The following FLT3 variants were observed in gnomAD, a reference collection of about 807,000 sequenced individuals.
The protein encoded by FLT3 is fms related receptor tyrosine kinase 3, also known as receptor-type tyrosine-protein kinase FLT3.
A neutral mutation model predicts 126.6 loss-of-function variants in FLT3; 46 were observed. The observed-to-expected ratio is 0.36, with a 90% CI of 0.29 to 0.46. The LOEUF is 0.46. FLT3 is among the 20% of genes least tolerant of loss of function. The pLI is 1.00. For synonymous variants in FLT3, 404 were observed against 434.4 expected, an observed-to-expected ratio of 0.93 and a Z score of 0.87; for missense variants, 1,069 against 1,190.3, an observed-to-expected ratio of 0.90 and a Z score of 1.50.
chr13:28,038,238 C>A (rs1874018225), intron 9 of FLT3, among the ~76,000 whole-genome samples: 1 of 152,154 alleles, frequency 6.6e-6, no homozygotes, highest in African/African-American at 2.4e-5. Flanking sequence ...TGGGGACTGT[C>A]CACCACGCCC....
chr13:28,051,488 C>T (rs1416357989), intron 5 of FLT3, among the ~76,000 whole-genome samples: 2 of 151,126 alleles, frequency 1.3e-5, no homozygotes, highest in African/African-American at 2.4e-5. Context: ...CTGCCTGCCT[C>T]GGCCTCCCAA....
chr13:28,064,375 C>T (rs1351096362), intron 2 of FLT3, among the ~76,000 whole-genome samples: 1 of 152,070 alleles, frequency 6.6e-6, no homozygotes. Flanking sequence ...GAGTTCGAGA[C>T]CAGCCTGGCC....
intron 4 of FLT3, among the ~76,000 whole-genome samples, chr13:28,054,844 A>G (rs1875863248): frequency 6.6e-6 from 1 of 152,188 alleles, no homozygotes; most frequent in Non-Finnish European, 1.5e-5. Flanking sequence ...GCCTAAGTTT[A>G]TCTTTTAACA....
chr13:28,006,274 G>A (rs1224234971), intron 23 of FLT3, among the ~76,000 whole-genome samples: 2 of 151,614 alleles, frequency 1.3e-5, no homozygotes, highest in African/African-American at 2.4e-5. Context: ...TGTCCAGACT[G>A]CCTCCTACAC....
At position 28,039,316 on chromosome 13, in the gene FLT3, C is replaced by T. The variant is rs528109635; in HGVS notation, c.1206-2028G>A. ...TCCCAGGTTCAAGCGATTCTCCTGC[C>T]TCAGCCTCCTGAGTAGCTGAGATTA... On this transcript the variant is annotated intron_variant, in intron 9 of 23. Coordinates refer to ENST00000241453, the MANE Select transcript of FLT3 (RefSeq NM_004119.3). 4.6e-4 allele frequency among the ~76,000 whole-genome samples: 70 copies of T among 152,032 alleles called. 2 individuals carry two copies. The South Asian group carries it at 0.014, about 31-fold the overall frequency.
At position 28,033,884 on chromosome 13, in the gene FLT3, T is replaced by C. The variant is rs751982273; in HGVS notation, c.1942+3A>G. Reference sequence around the variant, plus strand: ...TTGTTGCTGTCCTTCCACTATACTGTACCTTTCAGCATTTTGACGGCAACC... The same window carrying C: ...TTGTTGCTGTCCTTCCACTATACTGCACCTTTCAGCATTTTGACGGCAACC... On this transcript the variant is annotated splice_donor_region_variant and intron_variant, in intron 15 of 23. Transcript: ENST00000241453. The C allele has an allele frequency of 1.1e-5, 17 of 1,610,530 alleles. No individual in the cohort carries two copies. In the Admixed American group the frequency reaches 2.8e-4, roughly 27 times the overall value.
chr13:28,090,827 A>G (rs181842047), intron 1 of FLT3, among the ~76,000 whole-genome samples: 2 of 152,272 alleles, frequency 1.3e-5, no homozygotes, highest in East Asian at 3.9e-4. Context: ...TGCCACCATC[A>G]ATATTAAGGT....
At chr13:28,004,299 TTTG>T in intron 23 of FLT3, 125 bp from the exon 24 acceptor site, 3 of 1,055,646 alleles carry the variant, frequency 2.8e-6, no homozygotes, top group South Asian at 1.6e-5. Context: ...TTTTTGTTTG[TTTG>T]TTGTTTGTTT....
chr13:28,009,307 T>C (rs573820755), intron 23 of FLT3: 1 of 152,360 alleles, frequency 6.6e-6, no homozygotes, highest in African/African-American at 2.4e-5. Flanking sequence ...AACACCCACA[T>C]TTAATCTTAT....
intron 15 of FLT3, among the ~76,000 whole-genome samples, chr13:28,032,944 G>C (rs1175491963): frequency 6.6e-6 from 1 of 152,184 alleles, no homozygotes; most frequent in Admixed American, 6.5e-5. Flanking sequence ...GTCAGCGGTG[G>C]TAACGGTGAG....
intron 17 of FLT3, among the ~76,000 whole-genome samples, chr13:28,026,352 GAA>G (rs5802460): frequency 0.2 from 15,913 of 79,338 alleles, 1,132 homozygotes; most frequent in Non-Finnish European, 0.26. Context: ...AACTCTGTCT[GAA>G]AAAAAAAAAA....
intron 1 of FLT3, among the ~76,000 whole-genome samples, chr13:28,077,710 T>C (rs898735128): frequency 4.2e-4 from 64 of 152,298 alleles, no homozygotes; most frequent in African/African-American, 1.5e-3. Context: ...TCTTAACTCA[T>C]TTCAGCCTTA....
chr13:28,049,625 G>A lies in FLT3; in HGVS notation c.882+10C>T. The A allele has an allele frequency of 6.2e-7, 1 of 1,613,928 alleles. No homozygotes were observed. The stretch of plus-strand genomic sequence containing the variant: ...TCCTGCATTTTCAGAATACAAACTT[G>A]TCCTATTACCTCCTCGAGTGCTTTG... On this transcript the variant is annotated intron_variant, in intron 7 of 23. Coordinates refer to ENST00000241453, the MANE Select transcript of FLT3 (RefSeq NM_004119.3).
intron 19 of FLT3, among the ~76,000 whole-genome samples, chr13:28,020,648 C>T (rs1246354789): frequency 6.6e-6 from 1 of 152,120 alleles, no homozygotes; most frequent in African/African-American, 2.4e-5. Context: ...CCCCCGGCCT[C>T]AGTGTCATCT....
intron 2 of FLT3, among the ~76,000 whole-genome samples, chr13:28,063,038 A>G (rs1876708016): frequency 6.7e-6 from 1 of 149,620 alleles, no homozygotes; most frequent in African/African-American, 2.4e-5. Context: ...ATAGGTAAAT[A>G]TTTTTGTGAT....
chr13:28,100,295 A>C lies in FLT3; in HGVS notation c.43+173T>G, dbSNP rs1879737708. On this transcript the variant is annotated intron_variant, in intron 1 of 23. Coordinates refer to ENST00000241453, the MANE Select transcript of FLT3 (RefSeq NM_004119.3). This position sits in a 1 kb window ranked among gnomAD's most constrained non-coding sequence, Gnocchi z 4.8. Reference sequence around the variant, plus strand: ...GGAAACGCCGGGGCCGCAGGCAAGTAGTGGGCGAGTCCGGAGGGCGCGAAA... The same window carrying C: ...GGAAACGCCGGGGCCGCAGGCAAGTCGTGGGCGAGTCCGGAGGGCGCGAAA... Among the ~76,000 whole-genome samples the C allele has an allele frequency of 6.6e-6, 1 of 151,930 alleles. No homozygotes were observed. The highest frequency in any genetic ancestry group is 2.4e-5 in the African/African-American group (1 of 41,370).
At chr13:28,085,919 T>C (rs9581984) in intron 1 of FLT3, among the ~76,000 whole-genome samples, 25,590 of 152,090 alleles carry the variant, frequency 0.17, 2,373 homozygotes, top group Middle Eastern at 0.27. Flanking sequence ...TTGAGACCAG[T>C]CTGGGTAACA....
chr13:28,033,806 G>T, intron 15 of FLT3, 81 bp downstream of exon 15: 1 of 1,058,170 alleles, frequency 9.5e-7, no homozygotes, highest in Non-Finnish European at 1.5e-6. Context: ...TAAAAGGATG[G>T]AAAAGAGAAG....
intron 5 of FLT3, among the ~76,000 whole-genome samples, chr13:28,051,303 C>A (rs1444995432): frequency 6.6e-6 from 1 of 151,932 alleles, no homozygotes; most frequent in Non-Finnish European, 1.5e-5. Flanking sequence ...ATGGCGCGAT[C>A]TCGGGTCACT....
Sources: gnomAD v4.1 joint callset for allele counts (sites outside exome capture counted in the v4.1 genomes callset) on GRCh38, gnomAD v4.1.1 for gene constraint, Gnocchi (gnomAD v3.1) non-coding constraint, MANE v1.5 for transcripts, NCBI Gene and HGNC (gene_info 2026-07-23, HGNC 2026-07-21) for gene names.